The following OVCH2 variants were observed in gnomAD, a reference collection of about 807,000 sequenced individuals.
The protein encoded by OVCH2 is ovochymase-2.
OVCH2 carries 88 observed loss-of-function variants against 73.7 expected under a neutral mutation model. The ratio of observed to expected loss-of-function variants is 1.19; its 90% CI spans 1.01 to 1.43. The LOEUF is 1.43. OVCH2 is among the 40% of genes most tolerant of loss of function. OVCH2 has a pLI of 0.00. For missense variants in OVCH2, 706 were observed against 674.5 expected (o/e 1.05, Z -0.52); for synonymous variants, 265 against 234.5 (o/e 1.13, Z -1.19).
At chr11:7,691,108 G>A (rs1856211043) in intron 14 of OVCH2, 161 bp downstream of exon 14, 1 of 871,318 alleles carries the variant, frequency 1.1e-6, no homozygotes, top group Non-Finnish European at 1.7e-6. Flanking sequence ...TAGGAGGGAT[G>A]GCTGAGTATT....
chr11:7,684,313 A>G, the OVCH2 span, among the ~76,000 whole-genome samples: 2 of 152,078 alleles, frequency 1.3e-5, no homozygotes, highest in East Asian at 1.9e-4. Context: ...TTGTGTTTGC[A>G]TAGCCTCTTG....
the OVCH2 span, among the ~76,000 whole-genome samples, chr11:7,680,562 T>C: frequency 1.3e-5 from 2 of 152,118 alleles, no homozygotes; most frequent in African/African-American, 4.8e-5. Context: ...CAGCGACTGA[T>C]TGGCAGAATG....
intron 8 of OVCH2, 51 bp downstream of exon 8, chr11:7,698,699 G>A: frequency 1.9e-6 from 3 of 1,577,876 alleles, no homozygotes; most frequent in Non-Finnish European, 2.6e-6. Context: ...ATTCAGAAAT[G>A]CTAGATGTTA....
At chr11:7,694,803 CTTTTTTTTTT>C (rs34314441) in intron 12 of OVCH2, among the ~76,000 whole-genome samples, 11 of 108,380 alleles carry the variant, frequency 1.0e-4, no homozygotes, top group Admixed American at 6.6e-4. Context: ...TAAAGCGGCA[CTTTTTTTTTT>C]TTTTTTTTTT....
At position 7,696,533 on chromosome 11, in the gene OVCH2, GA is replaced by G. The variant is rs1204065400; in HGVS notation, c.1072del (p.Ser358ProfsTer3). ...PEEMHVLLSF[S>X]HLDVESCHHS... The stretch of plus-strand genomic sequence containing the variant: ...GTGACAAGACTCAACATCTAGGTGG[GA>G]AAAACTGAGCAACACATGCATTTCC... On this transcript the variant is annotated frameshift_variant, in exon 10 of 16. Transcript: ENST00000533663. LOFTEE classifies it high-confidence loss of function. 1 of 1,613,868 alleles carries G rather than the reference GA, an allele frequency of 6.2e-7. No individual in the cohort carries two copies. Among genetic ancestry groups the G allele is most frequent in the African/African-American group, 1.3e-5 (1 of 74,908 alleles).
chr11:7,691,038 T>A (rs111659240), intron 14 of OVCH2, among the ~76,000 whole-genome samples: 65 of 152,148 alleles, frequency 4.3e-4, no homozygotes, highest in African/African-American at 1.5e-3. Flanking sequence ...ATAAAACAAG[T>A]TTATGTACTG....
chr11:7,681,767 C>G, the OVCH2 span, among the ~76,000 whole-genome samples: 1 of 149,898 alleles, frequency 6.7e-6, no homozygotes, highest in African/African-American at 2.5e-5. Context: ...AGAATTCCAC[C>G]TGCATGGACA....
intron 12 of OVCH2, among the ~76,000 whole-genome samples, chr11:7,694,662 G>A (rs1183240642): frequency 2.0e-5 from 3 of 152,092 alleles, no homozygotes; most frequent in Non-Finnish European, 4.4e-5. Flanking sequence ...TTGTAGCCCA[G>A]GCTGGAGTGC....
chr11:7,686,853 C>G (rs1856146470), downstream of OVCH2, among the ~76,000 whole-genome samples: 1 of 152,090 alleles, frequency 6.6e-6, no homozygotes, highest in African/African-American at 2.4e-5. Context: ...GCAGCTTCAC[C>G]CAGAGGCTGT....
At chr11:7,690,782 T>C (rs964601418) in intron 14 of OVCH2, among the ~76,000 whole-genome samples, 1 of 152,196 alleles carries the variant, frequency 6.6e-6, no homozygotes, top group Non-Finnish European at 1.5e-5. Context: ...GCACTTTTTT[T>C]TCATTTCTGT....
Position 7,696,605 on chromosome 11 carries a change from G to A in OVCH2, c.1017-16C>T, listed in dbSNP as rs529808956. 6 of 1,614,040 alleles carry A rather than the reference G, an allele frequency of 3.7e-6. No individual in the cohort carries two copies. Among genetic ancestry groups the A allele is most frequent in the Admixed American group, 1.7e-5 (1 of 60,022 alleles). On this transcript the variant is annotated splice_polypyrimidine_tract_variant and intron_variant, in intron 9 of 15. Transcript: ENST00000533663. ...GACACACCGTCTGTAGGCAGATCAT[G>A]GAGAGGGCGTTATTTCTAGACAGAA...
Position 7,691,906 on chromosome 11 carries a change from T to C in OVCH2, c.1503A>G (p.Glu501=). 2 of 1,563,770 alleles carry C rather than the reference T, an allele frequency of 1.3e-6. No homozygotes were observed. Among genetic ancestry groups the C allele is most frequent in the Non-Finnish European group, 1.7e-6 (2 of 1,152,582 alleles). Residue 501 remains glutamate (E), a synonymous_variant, in exon 13 of 16, where the codon GAA becomes GAG. Transcript: ENST00000533663. ...TVHSDVERKK[E]IARLCGYDVP... ...TGAGGCTCAGAGGACACAAACCTAT[T>C]TCCTTCTTCCTTTCTACATCGCTGT...
At chr11:7,692,049 C>T (rs1273641492) in intron 12 of OVCH2, 54 bp from the exon 13 acceptor site, 5 of 1,314,256 alleles carry the variant, frequency 3.8e-6, no homozygotes, top group Non-Finnish European at 5.3e-6. Flanking sequence ...AATTACCTGA[C>T]TTTGATTCAG....
At chr11:7,691,844 A>G (rs574257195) in intron 13 of OVCH2, 58 bp downstream of exon 13, 41 of 1,342,548 alleles carry the variant, frequency 3.1e-5, no homozygotes, top group African/African-American at 4.4e-5. Context: ...TTTCGTTCCC[A>G]TCTCAAGACT....
the OVCH2 span, among the ~76,000 whole-genome samples, chr11:7,684,045 ATTAC>A: frequency 6.7e-6 from 1 of 150,018 alleles, no homozygotes; most frequent in African/African-American, 2.4e-5. Flanking sequence ...TATTATATAT[ATTAC>A]TTCTTTGCTT....
At chr11:7,698,606 T>C (rs564477721) in intron 8 of OVCH2, 144 bp downstream of exon 8, 8 of 722,462 alleles carry the variant, frequency 1.1e-5, no homozygotes, top group Non-Finnish European at 1.7e-5. Flanking sequence ...CTGCTGGGCA[T>C]AATGGCTGTA....
chr11:7,689,553 C>G lies in OVCH2; in HGVS notation c.*81G>C. 1 of 453,234 alleles carries G rather than the reference C, an allele frequency of 2.2e-6. No homozygotes were observed. The highest frequency in any genetic ancestry group is 4.4e-6 in the Non-Finnish European group (1 of 225,646). 28.1% of individuals were successfully genotyped at this position (453,234 alleles called of 1,614,324 possible). ...CTGTGACGAGGAGTCTGCCCCAAGC[C>G]TCTCCTCTAGCTTCTGGTGGTTTAC... On this transcript the variant is annotated 3_prime_UTR_variant, in exon 16 of 16. Transcript: ENST00000533663.
intron 13 of OVCH2, among the ~76,000 whole-genome samples, chr11:7,691,644 TG>T (rs766826234): frequency 6.6e-6 from 1 of 152,176 alleles, no homozygotes; most frequent in Non-Finnish European, 1.5e-5. Context: ...CCTCAGGACT[TG>T]TTTCAATGGA....
In OVCH2 at chr11:7,689,960, T is replaced by A; in HGVS notation, c.1693A>T (p.Thr565Ser). The change falls in exon 15 of 16, where the codon ACA becomes TCA. Residue 565 changes from threonine to serine, a missense_variant. By Grantham distance (58) the Thr-to-Ser change is moderately conservative (BLOSUM62 1). Transcript: ENST00000533663. The stretch of plus-strand genomic sequence containing the variant: ...GTTTCTCCATTTGGCACATCTCATG[T>A]CTCCAGAAACATTGATTCATCCTCT... Reference protein sequence around the residue: ...ISEDESMFLET With the variant: ...ISEDESMFLES 1.3e-6 allele frequency: 2 copies of A among 1,526,032 alleles called. No homozygotes were observed. The highest frequency in any genetic ancestry group is 1.8e-6 in the Non-Finnish European group (2 of 1,137,836). 94.5% of individuals were successfully genotyped at this position (1,526,032 alleles called of 1,614,324 possible). A position where few individuals can be genotyped will look rare whatever the true frequency, so the allele number is the denominator to read the frequency against.
Sources: gnomAD v4.1 joint callset for allele counts (sites outside exome capture counted in the v4.1 genomes callset) on GRCh38, gnomAD v4.1.1 for gene constraint, MANE v1.5 for transcripts, NCBI Gene and HGNC (gene_info 2026-07-23, HGNC 2026-07-21) for gene names.